ZDHHC20: variants seen among roughly 807,000 people sequenced by gnomAD.
The protein encoded by ZDHHC20 is zDHHC palmitoyltransferase 20, also known as palmitoyltransferase ZDHHC20.
In ZDHHC20, 43 loss-of-function variants were observed where a neutral mutation model predicts 57.8. That is an observed-to-expected ratio of 0.74 (90% CI 0.58 to 0.96). The LOEUF is 0.96. ZDHHC20 is among the 40% of genes least tolerant of loss of function. The probability of loss-of-function intolerance (pLI) is 0.00; values close to 1 mark genes in which losing one functional copy is unlikely to be tolerated. For missense variants in ZDHHC20, 391 were observed against 441.1 expected (o/e 0.89, Z 1.02); for synonymous variants, 157 against 153.0 (o/e 1.03, Z -0.19).
chr13:21,388,456 T>A (rs547969312), intron 8 of ZDHHC20, among the ~76,000 whole-genome samples: 2 of 152,282 alleles, frequency 1.3e-5, no homozygotes, highest in Admixed American at 1.3e-4. Context: ...AGAAAAGACA[T>A]CTTTCTTCCT....
intron 1 of ZDHHC20, among the ~76,000 whole-genome samples, chr13:21,444,145 G>T (rs972082378): frequency 6.6e-6 from 1 of 152,192 alleles, no homozygotes; most frequent in Admixed American, 6.5e-5. Flanking sequence ...AACAGAGCGA[G>T]ACTCTGTCTC....
chr13:21,400,719 A>G (rs949466218), intron 6 of ZDHHC20, among the ~76,000 whole-genome samples: 19 of 152,122 alleles, frequency 1.2e-4, no homozygotes, highest in Admixed American at 4.6e-4. Flanking sequence ...AATGGTTAAC[A>G]TGGTACATCT....
At chr13:21,385,256 C>G (rs1874250767) in intron 9 of ZDHHC20, among the ~76,000 whole-genome samples, 1 of 152,016 alleles carries the variant, frequency 6.6e-6, no homozygotes, top group South Asian at 2.1e-4. Flanking sequence ...TGGTGAAACC[C>G]TGTCTTTACT....
intron 11 of ZDHHC20, among the ~76,000 whole-genome samples, chr13:21,380,955 GCTA>G (rs1873271124): frequency 6.6e-6 from 1 of 151,772 alleles, no homozygotes; most frequent in African/African-American, 2.4e-5. Flanking sequence ...CCTCATAGAA[GCTA>G]CTAAGAAACA....
chr13:21,392,014 T>C lies in ZDHHC20; in HGVS notation c.595-160A>G, dbSNP rs139990471. 3.1e-3 allele frequency among the ~76,000 whole-genome samples: 468 copies of C among 152,310 alleles called. 2 individuals carry two copies. The highest frequency in any genetic ancestry group is 0.011 in the African/African-American group (441 of 41,568). ...ATGCAACAAGGGCAAAAGCAAAGAA[T>C]TGGTATTACCAAAGCAACCTGCTTA... On this transcript the variant is annotated intron_variant, in intron 7 of 12. Coordinates refer to ENST00000400590, the MANE Select transcript of ZDHHC20 (RefSeq NM_001330059.2).
At chr13:21,439,637 T>C (rs1472099802) in intron 1 of ZDHHC20, among the ~76,000 whole-genome samples, 1 of 152,184 alleles carries the variant, frequency 6.6e-6, no homozygotes, top group East Asian at 1.9e-4. Flanking sequence ...ACATCTGCAA[T>C]GTGTGATCCT....
intron 11 of ZDHHC20, 146 bp downstream of exon 11, chr13:21,381,288 G>A: frequency 4.3e-6 from 3 of 696,126 alleles, no homozygotes; most frequent in South Asian, 2.0e-5. Context: ...TTACAGGCGT[G>A]AGCCACCGCG....
chr13:21,403,778 C>T (rs1043216046), intron 4 of ZDHHC20, among the ~76,000 whole-genome samples: 2 of 152,152 alleles, frequency 1.3e-5, no homozygotes, highest in African/African-American at 2.4e-5. Context: ...ACCTCCGCCT[C>T]CTGGGTTCAA....
intron 3 of ZDHHC20, among the ~76,000 whole-genome samples, chr13:21,417,669 C>T (rs911105135): frequency 1.3e-5 from 2 of 152,106 alleles, no homozygotes; most frequent in African/African-American, 4.8e-5. Flanking sequence ...GAACTCCTGA[C>T]CTCAGGTGAT....
intron 8 of ZDHHC20, 65 bp from the exon 9 acceptor site, chr13:21,387,699 T>C: frequency 9.4e-7 from 1 of 1,063,484 alleles, no homozygotes; most frequent in Non-Finnish European, 1.2e-6. Flanking sequence ...GGGATGGAAA[T>C]TACCAATTTT....
At chr13:21,397,453 G>A (rs1319509245) in intron 7 of ZDHHC20, among the ~76,000 whole-genome samples, 1 of 152,048 alleles carries the variant, frequency 6.6e-6, no homozygotes, top group Non-Finnish European at 1.5e-5. Flanking sequence ...TTTGAGATCA[G>A]GACTTATAGA....
intron 1 of ZDHHC20, among the ~76,000 whole-genome samples, chr13:21,431,268 G>A (rs1216248202): frequency 1.3e-5 from 2 of 152,162 alleles, no homozygotes; most frequent in Non-Finnish European, 2.9e-5. Flanking sequence ...GGAGGCAAGA[G>A]AAAATGAGGA....
rs551763884 is a variant in ZDHHC20 at position 21,376,676 on chromosome 13, T to A, written c.*41-21A>T. 10 of 1,391,802 alleles carry A rather than the reference T, an allele frequency of 7.2e-6. No individual in the cohort carries two copies. The Admixed American group carries it at 2.6e-4, about 36-fold the overall frequency. The allele number at this position is 1,391,802 out of a possible 1,614,324, so 86.2% of individuals were successfully genotyped here. ...TACACCTACAAAAAAAGAAACAAAT[T>A]ATTGGTTAAAACTTGATTTTTTATT... On this transcript the variant is annotated intron_variant, in intron 12 of 12. Coordinates refer to ENST00000400590, the MANE Select transcript of ZDHHC20 (RefSeq NM_001330059.2).
chr13:21,381,371 G>T, intron 11 of ZDHHC20, 63 bp downstream of exon 11: 1 of 1,232,612 alleles, frequency 8.1e-7, no homozygotes. Flanking sequence ...TTTTCCACAT[G>T]TATTATATCT....
At chr13:21,414,917 G>T (rs1358910681) in intron 3 of ZDHHC20, among the ~76,000 whole-genome samples, 1 of 151,652 alleles carries the variant, frequency 6.6e-6, no homozygotes, top group East Asian at 1.9e-4. Context: ...AATGGCTTGA[G>T]ATTTGTTCTT....
At chr13:21,387,771 G>T in intron 8 of ZDHHC20, 137 bp from the exon 9 acceptor site, 1 of 436,506 alleles carries the variant, frequency 2.3e-6, no homozygotes, top group Non-Finnish European at 3.8e-6. Flanking sequence ...TACATTAGTA[G>T]CAATTAAAAG....
intron 1 of ZDHHC20, among the ~76,000 whole-genome samples, chr13:21,444,412 C>T (rs905400603): frequency 6.6e-6 from 1 of 152,104 alleles, no homozygotes; most frequent in Non-Finnish European, 1.5e-5. Flanking sequence ...GAGAATTTTT[C>T]ATAAACTGCA....
chr13:21,387,713 G>T, intron 8 of ZDHHC20, 79 bp from the exon 9 acceptor site: 2 of 880,030 alleles, frequency 2.3e-6, no homozygotes, highest in Non-Finnish European at 3.1e-6. Context: ...CAATTTTCTT[G>T]CTTATATCTT....
At chr13:21,403,582 G>A (rs1170889107) in intron 4 of ZDHHC20, among the ~76,000 whole-genome samples, 1 of 152,180 alleles carries the variant, frequency 6.6e-6, no homozygotes, top group Non-Finnish European at 1.5e-5. Context: ...AGCAGGGAAG[G>A]AAACATTGGG....
Sources: allele counts gnomAD v4.1 joint callset (sites outside exome capture counted in the v4.1 genomes callset), GRCh38; gene constraint gnomAD v4.1.1; transcripts MANE v1.5; gene names NCBI Gene and HGNC (gene_info 2026-07-23, HGNC 2026-07-21).